Variants in ZNF469 observed in about 807,000 individuals in gnomAD.
The protein encoded by ZNF469 is zinc finger protein 469.
ZNF469 carries 1 observed loss-of-function variant against 1.0 expected under a neutral mutation model. That is an observed-to-expected ratio of 1.00 (90% CI 0.35 to 4.73). ZNF469 has a LOEUF of 4.73. Among genes scored for constraint, ZNF469 ranks in the 30% most tolerant of loss-of-function variants. The pLI is 0.16. For synonymous variants in ZNF469, 2,703 were observed against 2,363.4 expected (o/e 1.14, Z -4.17); for missense variants, 6,100 against 5,356.3 (o/e 1.14, Z -4.33).
At chr16:88,149,457 T>C in the ZNF469 span, among the ~76,000 whole-genome samples, 2 of 152,224 alleles carry the variant, frequency 1.3e-5, no homozygotes, top group Non-Finnish European at 2.9e-5. Flanking sequence ...GCCCTGTCTC[T>C]GTGCAACCGC....
rs1475786487 is a variant in ZNF469, at chr16:88,436,719, C to T, written c.9249C>T (p.Ser3083=). 2.8e-5 allele frequency: 43 copies of T among 1,548,938 alleles called. No individual in the cohort carries two copies. The highest frequency in any genetic ancestry group is 3.6e-5 in the Non-Finnish European group (41 of 1,146,240). ...TCTTAGACTTCGAGGGCACGGCGAG[C>T]TCACAGGGGCCACAGAGCCGAAGGA... The part of the protein sequence containing the change: ...PSFLDFEGTA[S]SQGPQSRRTE... The change falls in exon 3 of 3, where the codon AGC becomes AGT. Residue 3083 remains serine (S), a synonymous_variant. Transcript: ENST00000565624.
the ZNF469 span, among the ~76,000 whole-genome samples, chr16:88,151,372 C>T: frequency 4.5e-4 from 68 of 152,332 alleles, no homozygotes; most frequent in South Asian, 6.8e-3. The surrounding 1 kb of genome is among the most constrained non-coding windows in gnomAD (Gnocchi z 5.4). Flanking sequence ...ACACGGAAGC[C>T]GGGGAGCGCT....
chr16:88,429,591 T>C lies in ZNF469; in HGVS notation c.2121T>C (p.Arg707=). ...GGGGAGGGCTGCAGGGCTTCCCCCG[T>C]GCGCCGCCTCCGTACCCCACACACC... ...VGRGGLQGFP[R]APPPYPTHHF... The change falls in exon 3 of 3, where the codon CGT becomes CGC. Residue 707 remains arginine, a synonymous_variant. Coordinates refer to ENST00000565624, the MANE Select transcript of ZNF469 (RefSeq NM_001367624.2). 6.5e-7 allele frequency: 1 copy of C among 1,549,570 alleles called. No homozygotes were observed. The highest frequency in any genetic ancestry group is 8.7e-7 in the Non-Finnish European group (1 of 1,146,620).
chr16:88,261,193 T>C, the ZNF469 span, among the ~76,000 whole-genome samples: 1 of 152,170 alleles, frequency 6.6e-6, no homozygotes. This position sits in a 1 kb window ranked among gnomAD's most constrained non-coding sequence, Gnocchi z 6.0. Flanking sequence ...CAGCTGCTGA[T>C]GCGGGTGGGA....
chr16:88,366,425 C>A, the ZNF469 span, among the ~76,000 whole-genome samples: 1 of 150,190 alleles, frequency 6.7e-6, no homozygotes, highest in Non-Finnish European at 1.5e-5. Flanking sequence ...ACCATCATCA[C>A]TATTGTCACC....
chr16:88,216,277 C>T, the ZNF469 span, among the ~76,000 whole-genome samples: 4 of 152,074 alleles, frequency 2.6e-5, no homozygotes, highest in South Asian at 2.1e-4. Flanking sequence ...GGGTGGATCA[C>T]GAGGTCAGGA....
At chr16:88,331,322 C>T in the ZNF469 span, among the ~76,000 whole-genome samples, 2 of 151,072 alleles carry the variant, frequency 1.3e-5, no homozygotes, top group East Asian at 3.9e-4. Context: ...TCATTGTTAC[C>T]ATGACCATCA....
chr16:88,220,279 C>T, the ZNF469 span, among the ~76,000 whole-genome samples: 7 of 152,260 alleles, frequency 4.6e-5, no homozygotes, highest in Non-Finnish European at 8.8e-5. Flanking sequence ...CATCCTTCAG[C>T]GAGATTGGAA....
At chr16:88,214,577 C>T in the ZNF469 span, among the ~76,000 whole-genome samples, 1 of 151,922 alleles carries the variant, frequency 6.6e-6, no homozygotes, top group African/African-American at 2.4e-5. Flanking sequence ...CATAGGTATA[C>T]ACGTGCCATG....
At chr16:88,143,884 G>C in the ZNF469 span, among the ~76,000 whole-genome samples, 2 of 152,030 alleles carry the variant, frequency 1.3e-5, no homozygotes, top group Admixed American at 1.3e-4. Flanking sequence ...CCAGACCAAG[G>C]ACCCGCCGCT....
At chr16:88,171,466 C>G in the ZNF469 span, among the ~76,000 whole-genome samples, 72 of 152,306 alleles carry the variant, frequency 4.7e-4, no homozygotes, top group African/African-American at 1.7e-3. Context: ...CAGAAAGCTC[C>G]TGAAGCAGGA....
At chr16:88,272,049 G>A in the ZNF469 span, among the ~76,000 whole-genome samples, 2 of 151,960 alleles carry the variant, frequency 1.3e-5, no homozygotes, top group Non-Finnish European at 2.9e-5. Context: ...AATGAACTGG[G>A]GATAAATAGG....
chr16:88,359,805 A>G, the ZNF469 span, among the ~76,000 whole-genome samples: 1 of 152,230 alleles, frequency 6.6e-6, no homozygotes, highest in South Asian at 2.1e-4. Flanking sequence ...AAAGAATTCT[A>G]CAGTGATGAT....
chr16:88,384,557 C>G (rs555797750), intron 1 of ZNF469, among the ~76,000 whole-genome samples: 3 of 152,256 alleles, frequency 2.0e-5, no homozygotes, highest in African/African-American at 7.2e-5. Flanking sequence ...CCTGGCAGGT[C>G]CCAGACCACA....
the ZNF469 span, among the ~76,000 whole-genome samples, chr16:88,120,792 CT>C: frequency 6.6e-6 from 1 of 152,176 alleles, no homozygotes; most frequent in African/African-American, 2.4e-5. Flanking sequence ...TCGACGGCGT[CT>C]CGTATGAATC....
At chr16:88,346,751 G>T in the ZNF469 span, among the ~76,000 whole-genome samples, 1 of 152,224 alleles carries the variant, frequency 6.6e-6, no homozygotes, top group African/African-American at 2.4e-5. Context: ...CTTCCTTTAA[G>T]AGGAAGTGGG....
the ZNF469 span, among the ~76,000 whole-genome samples, chr16:88,232,492 A>G: frequency 6.6e-6 from 1 of 152,272 alleles, no homozygotes; most frequent in South Asian, 2.1e-4. Context: ...TGGAAAGAGT[A>G]GAGAAACCCC....
chr16:88,223,693 C>A, the ZNF469 span, among the ~76,000 whole-genome samples: 1 of 152,236 alleles, frequency 6.6e-6, no homozygotes, highest in African/African-American at 2.4e-5. Flanking sequence ...GGGGACAGAG[C>A]ACAGGAGCAA....
At chr16:88,308,995 C>T in the ZNF469 span, among the ~76,000 whole-genome samples, 2 of 152,140 alleles carry the variant, frequency 1.3e-5, no homozygotes, top group Non-Finnish European at 2.9e-5. Flanking sequence ...GCTGAGCCAC[C>T]GTGCAAAGGG....
Sources: gnomAD v4.1 joint callset for allele counts (sites outside exome capture counted in the v4.1 genomes callset) on GRCh38, gnomAD v4.1.1 for gene constraint, Gnocchi (gnomAD v3.1) non-coding constraint, MANE v1.5 for transcripts, NCBI Gene and HGNC (gene_info 2026-07-23, HGNC 2026-07-21) for gene names.